LIPT2: variants seen among roughly 807,000 people sequenced by gnomAD.
The protein encoded by LIPT2 is octanoyl-[acyl-carrier-protein]:protein N-octanoyltransferase LIPT2, mitochondrial.
In LIPT2, 16 loss-of-function variants were observed where a neutral mutation model predicts 16.2. The ratio of observed to expected loss-of-function variants is 0.99; its 90% confidence interval spans 0.67 to 1.50. LIPT2 has a LOEUF of 1.50. Among genes scored for constraint, LIPT2 ranks in the 40% most tolerant of loss-of-function variants. The pLI is 0.00. For synonymous variants in LIPT2, 199 were observed against 169.3 expected (o/e 1.18, Z -1.36); for missense variants, 424 against 347.7 (o/e 1.22, Z -1.75).
At position 74,492,298 on chromosome 11, in the gene LIPT2, C is replaced by T; in HGVS notation, c.533G>A (p.Trp178Ter). The change falls in exon 2 of 2, where the codon TGG becomes TAG. Residue 178 changes from tryptophan to a stop codon, truncating the protein, a stop_gained. Coordinates refer to ENST00000310109, the MANE Select transcript of LIPT2 (RefSeq NM_001144869.3). LOFTEE classifies it high-confidence loss of function. ...LALNCSTDLT[W>*]FEHIVPCGLV... is the part of the protein sequence containing the mutation. ...TCCACAGGGCACGATGTGCTCAAAC[C>T]ACGTGAGGTCGGTAGAGCAGTTGAG... 6.4e-7 allele frequency: 1 copy of T among 1,551,802 alleles called. No individual in the cohort carries two copies. The highest frequency in any genetic ancestry group is 1.4e-5 in the African/African-American group (1 of 73,178).
rs1287275153 is a variant in LIPT2 at position 74,491,782 on chromosome 11, G to A, written c.*353C>T. On this transcript the variant is annotated 3_prime_UTR_variant, in exon 2 of 2. Coordinates refer to ENST00000310109, the MANE Select transcript of LIPT2 (RefSeq NM_001144869.3). ...GCCCAGAATTGCTCAGTTAGACACA[G>A]TATTGAGGAAGCAACAATTGAGAAA... is the stretch of plus-strand genomic sequence containing the variant. 2 of 282,812 alleles carry A rather than the reference G, an allele frequency of 7.1e-6. No individual in the cohort carries two copies. Among genetic ancestry groups the A allele is most frequent in the South Asian group, 3.5e-5 (1 of 28,202 alleles). 17.5% of individuals were successfully genotyped at this position (282,812 alleles called of 1,614,324 possible). A position where few individuals can be genotyped will look rare whatever the true frequency, so the allele number is the denominator to read the frequency against.
At chr11:74,492,388 T>TA (rs1425632746) in intron 1 of LIPT2, 24 bp from the exon 2 acceptor site, 1 of 1,454,112 alleles carries the variant, frequency 6.9e-7, no homozygotes, top group East Asian at 2.5e-5. Flanking sequence ...CAAAGGGTCT[T>TA]AGAGTAGATA....
In LIPT2 at chr11:74,491,535, T is replaced by G. The variant is rs1461573727; in HGVS notation, c.*600A>C. On this transcript the variant is annotated 3_prime_UTR_variant, in exon 2 of 2. Transcript: ENST00000310109. ...AATTATTCTTATCCTTCCTCCAGTCTTTGGCCTAGCTCAGGGTAACCCAAC... is the reference window on the plus strand; with the variant it reads ...AATTATTCTTATCCTTCCTCCAGTCGTTGGCCTAGCTCAGGGTAACCCAAC... Among the ~76,000 whole-genome samples, 2 of 152,266 alleles carry G rather than the reference T, an allele frequency of 1.3e-5. No homozygotes were observed. The highest frequency in any genetic ancestry group is 4.8e-5 in the African/African-American group (2 of 41,474).
chr11:74,492,308 C>T lies in LIPT2; in HGVS notation c.523G>A (p.Asp175Asn), dbSNP rs776753158. 3.9e-5 allele frequency: 61 copies of T among 1,551,626 alleles called. No individual in the cohort carries two copies. The highest frequency in any genetic ancestry group is 5.2e-5 in the Non-Finnish European group (60 of 1,146,996). ...ACGATGTGCTCAAACCACGTGAGGT[C>T]GGTAGAGCAGTTGAGAGCCAGGCCG... is the stretch of plus-strand genomic sequence containing the variant. ...SHGLALNCST[D>N]LTWFEHIVPC... The change falls in exon 2 of 2, where the codon GAC (aspartate) becomes AAC (asparagine). Residue 175 changes from aspartate to asparagine, a missense_variant. Coordinates refer to ENST00000310109, the MANE Select transcript of LIPT2 (RefSeq NM_001144869.3).
At position 74,493,384 on chromosome 11, in the gene LIPT2, C is replaced by A. The variant is rs927052810; in HGVS notation, c.320G>T (p.Arg107Leu). Reference sequence around the variant, plus strand: ...GTGCATGCGCAAGCGCAGGCCGAGACGCCGCAGGTCGAGTACCGGGTGGCA... The same window carrying A: ...GTGCATGCGCAAGCGCAGGCCGAGAAGCCGCAGGTCGAGTACCGGGTGGCA... ...LLCHPVLDLR[R>L]LGLRLRMHVA... The change falls in exon 1 of 2, where the codon CGT becomes CTT. Residue 107 changes from arginine to leucine, a missense_variant. Arg to Leu is a moderately radical substitution (Grantham distance 102). Coordinates refer to ENST00000310109, the MANE Select transcript of LIPT2 (RefSeq NM_001144869.3). 25 of 1,513,898 alleles carry A rather than the reference C, an allele frequency of 1.7e-5. No homozygotes were observed. Among genetic ancestry groups the A allele is most frequent in the Middle Eastern group, 1.8e-4 (1 of 5,428 alleles). 93.8% of individuals were successfully genotyped at this position (1,513,898 alleles called of 1,614,324 possible). A position where few individuals can be genotyped will look rare whatever the true frequency, so the allele number is the denominator to read the frequency against.
At chr11:74,493,062 A>G (rs1257924769) in intron 1 of LIPT2, 176 bp downstream of exon 1, 23 of 421,802 alleles carry the variant, frequency 5.5e-5, no homozygotes, top group East Asian at 1.1e-4. Flanking sequence ...TGAATATACG[A>G]TATCTGAAAA....
In LIPT2 at chr11:74,490,942, T is replaced by C. The variant is rs2135039802; in HGVS notation, c.*1193A>G. 6.6e-6 allele frequency among the ~76,000 whole-genome samples: 1 copy of C among 152,312 alleles called. No homozygotes were observed. Among genetic ancestry groups the C allele is most frequent in the East Asian group, 1.9e-4 (1 of 5,178 alleles). On this transcript the variant is annotated 3_prime_UTR_variant, in exon 2 of 2. Coordinates refer to ENST00000310109, the MANE Select transcript of LIPT2 (RefSeq NM_001144869.3). ...ACTCTTAATAGGCTGTGGTGGCCAT[T>C]CTTCAAGATGGCCCCTAATAATCCT... is the stretch of plus-strand genomic sequence containing the variant.
chr11:74,492,108 G>C lies in LIPT2; in HGVS notation c.*27C>G, dbSNP rs1283767128. 1.3e-6 allele frequency: 2 copies of C among 1,520,684 alleles called. No individual in the cohort carries two copies. The highest frequency in any genetic ancestry group is 3.9e-5 in the Admixed American group (2 of 50,878). The allele number at this position is 1,520,684 out of a possible 1,614,324, so 94.2% of individuals were successfully genotyped here. A position where few individuals can be genotyped will look rare whatever the true frequency, so the allele number is the denominator to read the frequency against. ...TCAGACTTCATGCTTCCCAAGGCAG[G>C]AGCATCCTGGCTGTTATGAGTACTC... On this transcript the variant is annotated 3_prime_UTR_variant, in exon 2 of 2. Transcript: ENST00000310109.
chr11:74,493,534 T>TAC lies in LIPT2; in HGVS notation c.168_169dup (p.Tyr57CysfsTer10), dbSNP rs1864403601. ...CAGGCCGCCGCGCAGCCCGGCCGTA[T>TAC]ACACGGGCCCCGCGGGCTCGCAGAG... On this transcript the variant is annotated frameshift_variant, in exon 1 of 2. Coordinates refer to ENST00000310109, the MANE Select transcript of LIPT2 (RefSeq NM_001144869.3). LOFTEE classifies it high-confidence loss of function. 1 of 1,421,906 alleles carries TAC rather than the reference T, an allele frequency of 7.0e-7. No homozygotes were observed. Among genetic ancestry groups the TAC allele is most frequent in the Non-Finnish European group, 9.1e-7 (1 of 1,093,346 alleles). 88.1% of individuals were successfully genotyped at this position (1,421,906 alleles called of 1,614,324 possible).
Position 74,493,483 on chromosome 11 carries a change from C to T in LIPT2, c.221G>A (p.Arg74Gln), listed in dbSNP as rs772885983. 13 of 1,457,450 alleles carry T rather than the reference C, an allele frequency of 8.9e-6. No individual in the cohort carries two copies. Among genetic ancestry groups the T allele is most frequent in the South Asian group, 4.0e-5 (3 of 75,672 alleles). 90.3% of individuals were successfully genotyped at this position (1,457,450 alleles called of 1,614,324 possible). Residue 74 changes from arginine (R) to glutamine (Q), a missense_variant, in exon 1 of 2, where the codon CGG becomes CAG. Arg to Gln is a conservative substitution (Grantham distance 43, BLOSUM62 1). Transcript: ENST00000310109. ...GLTPEETARL[R>Q]ALGAEVRVTG... ...GACGCGCACCTCGGCGCCCAAGGCCCGTAGCCGCGCAGTTTCCTCGGGCGT... is the reference window on the plus strand; with the variant it reads ...GACGCGCACCTCGGCGCCCAAGGCCTGTAGCCGCGCAGTTTCCTCGGGCGT...
chr11:74,493,370 AGCGCAG>A lies in LIPT2; in HGVS notation c.328_333del (p.Leu112_Arg113del). 4 of 1,512,176 alleles carry A rather than the reference AGCGCAG, an allele frequency of 2.6e-6. No homozygotes were observed. The South Asian group carries it at 3.7e-5, about 14-fold the overall frequency. 93.7% of individuals were successfully genotyped at this position (1,512,176 alleles called of 1,614,324 possible). On this transcript the variant is annotated inframe_deletion, in exon 1 of 2. Coordinates refer to ENST00000310109, the MANE Select transcript of LIPT2 (RefSeq NM_001144869.3). The stretch of plus-strand genomic sequence containing the variant: ...TCCAGCGACGCTACGTGCATGCGCA[AGCGCAG>A]GCCGAGACGCCGCAGGTCGAGTACC...
Position 74,493,373 on chromosome 11 carries a change from G to A in LIPT2, c.331C>T (p.Arg111Cys), listed in dbSNP as rs1407718568. The A allele has an allele frequency of 9.3e-6, 14 of 1,512,370 alleles. No individual in the cohort carries two copies. In the Admixed American group the frequency reaches 2.1e-4, roughly 22 times the overall value. The allele number at this position is 1,512,370 out of a possible 1,614,324, so 93.7% of individuals were successfully genotyped here. A position where few individuals can be genotyped will look rare whatever the true frequency, so the allele number is the denominator to read the frequency against. The change falls in exon 1 of 2, where the codon CGC becomes TGC. Residue 111 changes from arginine (R) to cysteine (C), a missense_variant. Transcript: ENST00000310109. Reference sequence around the variant, plus strand: ...AGCGACGCTACGTGCATGCGCAAGCGCAGGCCGAGACGCCGCAGGTCGAGT... The same window carrying A: ...AGCGACGCTACGTGCATGCGCAAGCACAGGCCGAGACGCCGCAGGTCGAGT... The part of the protein sequence containing the change: ...PVLDLRRLGL[R>C]LRMHVASLEA...
rs552956674 is a variant in LIPT2, at chr11:74,491,404, T to C, written c.*731A>G. Reference sequence around the variant, plus strand: ...TAATGTTTACTGTTAAGTCACTAAGTTTTGATGATTTGTTACACAGCAACA... The same window carrying C: ...TAATGTTTACTGTTAAGTCACTAAGCTTTGATGATTTGTTACACAGCAACA... On this transcript the variant is annotated 3_prime_UTR_variant, in exon 2 of 2. Coordinates refer to ENST00000310109, the MANE Select transcript of LIPT2 (RefSeq NM_001144869.3). Among the ~76,000 whole-genome samples, 14 of 152,340 alleles carry C rather than the reference T, an allele frequency of 9.2e-5. No homozygotes were observed. Among genetic ancestry groups the C allele is most frequent in the Non-Finnish European group, 1.8e-4 (12 of 68,018 alleles).
At position 74,492,014 on chromosome 11, in the gene LIPT2, T is replaced by C; in HGVS notation, c.*121A>G. Reference sequence around the variant, plus strand: ...AAATAGTGGCTCAGAGCTCATGGTATGTCCTTAGTTTCATGATCAGTGAAT... The same window carrying C: ...AAATAGTGGCTCAGAGCTCATGGTACGTCCTTAGTTTCATGATCAGTGAAT... On this transcript the variant is annotated 3_prime_UTR_variant, in exon 2 of 2. Transcript: ENST00000310109. 1 of 681,786 alleles carries C rather than the reference T, an allele frequency of 1.5e-6. No homozygotes were observed. The highest frequency in any genetic ancestry group is 1.8e-5 in the South Asian group (1 of 56,536). 42.2% of individuals were successfully genotyped at this position (681,786 alleles called of 1,614,324 possible).
Position 74,491,815 on chromosome 11 carries a change from C to A in LIPT2, c.*320G>T. On this transcript the variant is annotated 3_prime_UTR_variant, in exon 2 of 2. Coordinates refer to ENST00000310109, the MANE Select transcript of LIPT2 (RefSeq NM_001144869.3). The stretch of plus-strand genomic sequence containing the variant: ...GAAGCAACAATTGAGAAATGACAAT[C>A]TATGACATCAACAATCGAGAAATAA... The A allele has an allele frequency of 3.2e-6, 1 of 310,722 alleles. No individual in the cohort carries two copies. Among genetic ancestry groups the A allele is most frequent in the Non-Finnish European group, 6.3e-6 (1 of 158,888 alleles). 19.2% of individuals were successfully genotyped at this position (310,722 alleles called of 1,614,324 possible). A position where few individuals can be genotyped will look rare whatever the true frequency, so the allele number is the denominator to read the frequency against.
chr11:74,493,242 C>A lies in LIPT2; in HGVS notation c.462G>T (p.Ala154=). The change falls in exon 1 of 2, where the codon GCG becomes GCT. Residue 154 remains alanine (A), a synonymous_variant. Coordinates refer to ENST00000310109, the MANE Select transcript of LIPT2 (RefSeq NM_001144869.3). ...GCCCTGCTCCGCGGCGCTCACCGATCGCGCAGATCTTGCGATCGTCTAGCC... is the reference window on the plus strand; with the variant it reads ...GCCCTGCTCCGCGGCGCTCACCGATAGCGCAGATCTTGCGATCGTCTAGCC... ...GVWLDDRKIC[A]IGVRCGRHIT... is the part of the protein sequence containing the mutation. 3 of 1,347,212 alleles carry A rather than the reference C, an allele frequency of 2.2e-6. No individual in the cohort carries two copies. Among genetic ancestry groups the A allele is most frequent in the South Asian group, 1.8e-5 (1 of 55,600 alleles). 83.5% of individuals were successfully genotyped at this position (1,347,212 alleles called of 1,614,324 possible).
rs10736798 is a variant in LIPT2, at chr11:74,493,224, T to G, written c.466+14A>C. ...CCTCGGCTCTCAGGTACCGCCCTGCTCCGCGGCGCTCACCGATCGCGCAGA... is the reference window on the plus strand; with the variant it reads ...CCTCGGCTCTCAGGTACCGCCCTGCGCCGCGGCGCTCACCGATCGCGCAGA... On this transcript the variant is annotated intron_variant, in intron 1 of 1. Transcript: ENST00000310109. 1,316,976 of 1,342,442 alleles carry G rather than the reference T, an allele frequency of 0.98. 649,612 individuals carry two copies. The highest frequency in any genetic ancestry group is 1 in the East Asian group (32,288 of 32,288). 83.2% of individuals were successfully genotyped at this position (1,342,442 alleles called of 1,614,324 possible).
At position 74,493,386 on chromosome 11, in the gene LIPT2, C is replaced by A; in HGVS notation, c.318G>T (p.Arg106=). ...QLLCHPVLDL[R]RLGLRLRMHV... is the part of the protein sequence containing the mutation. ...GCATGCGCAAGCGCAGGCCGAGACG[C>A]CGCAGGTCGAGTACCGGGTGGCAAA... The change falls in exon 1 of 2, where the codon CGG becomes CGT. Residue 106 remains arginine (R), a synonymous_variant. Transcript: ENST00000310109. The A allele has an allele frequency of 8.6e-6, 13 of 1,514,980 alleles. No individual in the cohort carries two copies. The highest frequency in any genetic ancestry group is 1.1e-5 in the Non-Finnish European group (13 of 1,138,642). 93.8% of individuals were successfully genotyped at this position (1,514,980 alleles called of 1,614,324 possible).
chr11:74,493,394 C>CA lies in LIPT2; in HGVS notation c.309_310insT (p.Asp104Ter). Reference sequence around the variant, plus strand: ...AAGCGCAGGCCGAGACGCCGCAGGTCGAGTACCGGGTGGCAAAGCAGCTGG... The same window carrying CA: ...AAGCGCAGGCCGAGACGCCGCAGGTCAGAGTACCGGGTGGCAAAGCAGCTGG... On this transcript the variant is annotated frameshift_variant, in exon 1 of 2. Coordinates refer to ENST00000310109, the MANE Select transcript of LIPT2 (RefSeq NM_001144869.3). LOFTEE classifies it high-confidence loss of function. 6.6e-7 allele frequency: 1 copy of CA among 1,515,824 alleles called. No homozygotes were observed. The highest frequency in any genetic ancestry group is 8.8e-7 in the Non-Finnish European group (1 of 1,139,072). 93.9% of individuals were successfully genotyped at this position (1,515,824 alleles called of 1,614,324 possible).
Sources: gnomAD v4.1 joint callset for allele counts (sites outside exome capture counted in the v4.1 genomes callset) on GRCh38, gnomAD v4.1.1 for gene constraint, MANE v1.5 for transcripts, NCBI Gene and HGNC (gene_info 2026-07-23, HGNC 2026-07-21) for gene names.